Variants in ITSN1 observed in about 807,000 individuals in gnomAD.
The protein encoded by ITSN1 is intersectin-1.
In ITSN1, 58 loss-of-function variants were observed where a neutral mutation model predicts 239.8. The observed-to-expected ratio is 0.24, with a 90% CI of 0.20 to 0.30. ITSN1 has a LOEUF of 0.30. ITSN1 is among the 10% of genes least tolerant of loss of function. ITSN1 has a pLI of 1.00. For synonymous variants in ITSN1, 780 were observed against 770.8 expected (o/e 1.01, Z -0.20); for missense variants, 1,558 against 2,103.3 (o/e 0.74, Z 5.07).
intron 4 of ITSN1, among the ~76,000 whole-genome samples, chr21:33,728,961 C>T (rs1194940959): frequency 6.6e-6 from 1 of 152,116 alleles, no homozygotes; most frequent in African/African-American, 2.4e-5. Flanking sequence ...CTGGGTCTCA[C>T]CTCCAGCCCA....
At position 33,893,171 on chromosome 21, in the gene ITSN1, TC is replaced by T. The variant is rs1986475836; in HGVS notation, c.*4872del. ...TCTCCTTGTCGCAGTGGCTTGTACT[TC>T]ATGTGCAGTAGCCCAGGGCCCGCCT... On this transcript the variant is annotated 3_prime_UTR_variant, in exon 40 of 40. Coordinates refer to ENST00000381318, the MANE Select transcript of ITSN1 (RefSeq NM_003024.3). 6.6e-6 allele frequency: 1 copy of T among 152,252 alleles called. No homozygotes were observed. Among genetic ancestry groups the T allele is most frequent in the Admixed American group, 6.5e-5 (1 of 15,280 alleles). The allele number at this position is 152,252 out of a possible 1,614,324, so 9.4% of individuals were successfully genotyped here. A position where few individuals can be genotyped will look rare whatever the true frequency, so the allele number is the denominator to read the frequency against.
chr21:33,659,279 C>T (rs993574588), intron 1 of ITSN1, among the ~76,000 whole-genome samples: 3 of 152,196 alleles, frequency 2.0e-5, no homozygotes, highest in Admixed American at 6.5e-5. Context: ...TCCTCTCCCC[C>T]ATGCTTTGTG....
At chr21:33,757,151 A>G (rs1046931183) in intron 8 of ITSN1, 1 of 152,238 alleles carries the variant, frequency 6.6e-6, no homozygotes, top group Non-Finnish European at 1.5e-5. Context: ...ACCCAGAACT[A>G]CATTGCCAAT....
At position 33,761,945 on chromosome 21, in the gene ITSN1, T is replaced by C; in HGVS notation, c.747T>C (p.Leu249=). The change falls in exon 9 of 40, where the codon CTT becomes CTC. Residue 249 remains leucine, a synonymous_variant. Transcript: ENST00000381318. ...TAGGTCCCCAAGCAAGAACTATTCT[T>C]ATGCAGTCAAGTTTACCACAGGCTC... ...HLTGPQARTI[L]MQSSLPQAQL... is the part of the protein sequence containing the mutation. 6.2e-7 allele frequency: 1 copy of C among 1,613,806 alleles called. No individual in the cohort carries two copies. Among genetic ancestry groups the C allele is most frequent in the Non-Finnish European group, 8.5e-7 (1 of 1,179,686 alleles).
At chr21:33,706,486 A>G (rs1428326455) in intron 1 of ITSN1, among the ~76,000 whole-genome samples, 3 of 152,176 alleles carry the variant, frequency 2.0e-5, no homozygotes, top group Non-Finnish European at 4.4e-5. Flanking sequence ...TACCAAAAAA[A>G]AAAAAACACT....
intron 8 of ITSN1, among the ~76,000 whole-genome samples, chr21:33,760,635 A>C (rs997876950): frequency 6.6e-6 from 1 of 152,222 alleles, no homozygotes; most frequent in Non-Finnish European, 1.5e-5. Flanking sequence ...AGCAAAGTCT[A>C]GACTAAGCCA....
chr21:33,792,995 C>T (rs1301193428), intron 16 of ITSN1, among the ~76,000 whole-genome samples: 6 of 152,068 alleles, frequency 3.9e-5, no homozygotes, highest in African/African-American at 1.4e-4. Context: ...CCCCAGACCC[C>T]TATCTCCAGT....
chr21:33,674,794 A>G (rs1368033711), intron 1 of ITSN1, among the ~76,000 whole-genome samples: 3 of 152,228 alleles, frequency 2.0e-5, no homozygotes, highest in Non-Finnish European at 4.4e-5. Flanking sequence ...TGTCATAAAT[A>G]CAGAAACATT....
intron 33 of ITSN1, among the ~76,000 whole-genome samples, chr21:33,871,045 A>G (rs1275707715): frequency 6.6e-6 from 1 of 151,828 alleles, no homozygotes; most frequent in African/African-American, 2.4e-5. Context: ...GCAGGAGAAT[A>G]TCTTGAACCT....
At chr21:33,713,479 T>C (rs910883060) in intron 1 of ITSN1, among the ~76,000 whole-genome samples, 5 of 152,054 alleles carry the variant, frequency 3.3e-5, no homozygotes, top group Non-Finnish European at 7.4e-5. Flanking sequence ...GCTGACCTCA[T>C]GATCTGCTTG....
At chr21:33,778,567 TTC>T (rs1569160426) in intron 14 of ITSN1, among the ~76,000 whole-genome samples, 2 of 130,342 alleles carry the variant, frequency 1.5e-5, no homozygotes, top group African/African-American at 6.6e-5. Flanking sequence ...GTTTATAATA[TTC>T]TCTTTTTTTT....
At chr21:33,787,122 G>C (rs989672308) in intron 16 of ITSN1, among the ~76,000 whole-genome samples, 1 of 152,132 alleles carries the variant, frequency 6.6e-6, no homozygotes, top group African/African-American at 2.4e-5. Context: ...GACGAGTTGC[G>C]TGTGTGTATG....
At chr21:33,696,954 C>CT (rs1193998368) in intron 1 of ITSN1, among the ~76,000 whole-genome samples, 1 of 152,076 alleles carries the variant, frequency 6.6e-6, no homozygotes, top group Non-Finnish European at 1.5e-5. Flanking sequence ...TGTCTTAAGA[C>CT]TAAGTGTGAT....
intron 36 of ITSN1, among the ~76,000 whole-genome samples, chr21:33,884,158 T>C (rs1365506205): frequency 6.6e-6 from 1 of 152,154 alleles, no homozygotes; most frequent in Non-Finnish European, 1.5e-5. Flanking sequence ...CGCCTTGGCC[T>C]CCCAGAATGC....
At chr21:33,659,705 CTTTTTTTTTT>C (rs71194859) in intron 1 of ITSN1, among the ~76,000 whole-genome samples, 5 of 76,606 alleles carry the variant, frequency 6.5e-5, no homozygotes, top group East Asian at 3.7e-4. Flanking sequence ...GCAGCCTGTA[CTTTTTTTTTT>C]TTTTTTTTTT....
chr21:33,694,204 T>C (rs2091689597), intron 1 of ITSN1, among the ~76,000 whole-genome samples: 1 of 152,138 alleles, frequency 6.6e-6, no homozygotes, highest in Non-Finnish European at 1.5e-5. Context: ...TTTTTGTTAC[T>C]TATTTATTTA....
At chr21:33,708,501 C>T (rs1377953585) in intron 1 of ITSN1, among the ~76,000 whole-genome samples, 1 of 152,066 alleles carries the variant, frequency 6.6e-6, no homozygotes, top group Non-Finnish European at 1.5e-5. Flanking sequence ...CATTCTCCTG[C>T]CTCAGCCTCC....
At chr21:33,697,981 A>G (rs2091869645) in intron 1 of ITSN1, among the ~76,000 whole-genome samples, 1 of 152,140 alleles carries the variant, frequency 6.6e-6, no homozygotes. Flanking sequence ...CAAAGAGGGG[A>G]CTGTTAATTC....
intron 16 of ITSN1, among the ~76,000 whole-genome samples, chr21:33,784,894 T>C (rs935820726): frequency 6.6e-6 from 1 of 152,222 alleles, no homozygotes; most frequent in Non-Finnish European, 1.5e-5. Context: ...TCAGTGCCCC[T>C]CTTGATCGGC....
Sources: gnomAD v4.1 joint callset for allele counts (sites outside exome capture counted in the v4.1 genomes callset) on GRCh38, gnomAD v4.1.1 for gene constraint, MANE v1.5 for transcripts, NCBI Gene and HGNC (gene_info 2026-07-23, HGNC 2026-07-21) for gene names.